The following PDE5A variants were observed in gnomAD, a reference collection of about 807,000 sequenced individuals.
PDE5A encodes the protein phosphodiesterase 5A, also known as cGMP-specific 3',5'-cyclic phosphodiesterase.
A neutral mutation model predicts 110.2 loss-of-function variants in PDE5A; 67 were observed. The observed-to-expected ratio is 0.61, with a 90% CI of 0.50 to 0.75. PDE5A has a LOEUF of 0.75. PDE5A is among the 30% of genes least tolerant of loss of function. PDE5A has a pLI of 0.00. For missense variants in PDE5A, 862 were observed against 1,045.1 expected (o/e 0.82, Z 2.42); for synonymous variants, 328 against 351.2 (o/e 0.93, Z 0.74).
At chr4:119,593,971 T>A (rs575147739) in intron 3 of PDE5A, among the ~76,000 whole-genome samples, 3 of 152,060 alleles carry the variant, frequency 2.0e-5, no homozygotes, top group Non-Finnish European at 4.4e-5. Flanking sequence ...TCACTCACTA[T>A]CACGAACAGC....
rs1416332603 is a variant in PDE5A at position 119,562,889 on chromosome 4, T to A, written c.1075A>T (p.Ile359Phe). The change falls in exon 6 of 21, where the codon ATC (isoleucine) becomes TTC (phenylalanine). Residue 359 changes from isoleucine (I) to phenylalanine (F), a missense_variant. Coordinates refer to ENST00000354960, the MANE Select transcript of PDE5A (RefSeq NM_001083.4). ...CATTTCTGCACTTGCATGAAAGAGA[T>A]AATAGTGGCAGCTATTTTCTTCAAA... ...VILKKIAATIISFMQVQKCTI... is the reference protein window; with the variant it reads ...VILKKIAATIFSFMQVQKCTI... 1 of 1,599,110 alleles carries A rather than the reference T, an allele frequency of 6.3e-7. No homozygotes were observed.
Position 119,527,194 on chromosome 4 carries a change from T to C in PDE5A, c.1633-1499A>G, listed in dbSNP as rs567952782. ...AAAGAACATTCTAAAAGCTACAGGA[T>C]GGAAGCCAGCATAGCTTGTGCCTCT... On this transcript the variant is annotated intron_variant, in intron 11 of 20. Coordinates refer to ENST00000354960, the MANE Select transcript of PDE5A (RefSeq NM_001083.4). The C allele has an allele frequency of 5.3e-5, 8 of 152,306 alleles. No individual in the cohort carries two copies. The South Asian group carries it at 1.2e-3, about 24-fold the overall frequency. 9.4% of individuals were successfully genotyped at this position (152,306 alleles called of 1,614,324 possible). A position where few individuals can be genotyped will look rare whatever the true frequency, so the allele number is the denominator to read the frequency against.
intron 9 of PDE5A, among the ~76,000 whole-genome samples, chr4:119,548,044 ATTTTTTT>A (rs11438089): frequency 9.5e-5 from 9 of 94,802 alleles, no homozygotes; most frequent in Admixed American, 1.5e-4. Context: ...TTCTCCGTGT[ATTTTTTT>A]TTTTTTTTTT....
chr4:119,572,895 T>C (rs1728191459), intron 3 of PDE5A, among the ~76,000 whole-genome samples: 1 of 152,214 alleles, frequency 6.6e-6, no homozygotes, highest in South Asian at 2.1e-4. Flanking sequence ...ACTTCCTCTT[T>C]CCAGTCTTTC....
chr4:119,529,787 A>G (rs1229454975), intron 11 of PDE5A, among the ~76,000 whole-genome samples: 3 of 152,140 alleles, frequency 2.0e-5, no homozygotes, highest in Non-Finnish European at 4.4e-5. Flanking sequence ...TTGATGCTCT[A>G]TTTTGCAACG....
At chr4:119,615,542 C>T (rs1330721185) in intron 1 of PDE5A, among the ~76,000 whole-genome samples, 1 of 150,686 alleles carries the variant, frequency 6.6e-6, no homozygotes, top group African/African-American at 2.4e-5. Context: ...GCAACATGCA[C>T]CATGAACACT....
chr4:119,592,245 G>A (rs1728997509), intron 3 of PDE5A, among the ~76,000 whole-genome samples: 1 of 149,238 alleles, frequency 6.7e-6, no homozygotes, highest in Non-Finnish European at 1.5e-5. Context: ...CACAAGGTCA[G>A]GAGATCGTAG....
At chr4:119,501,072 G>T (rs779413669) in intron 20 of PDE5A, 98 bp downstream of exon 20, 26 of 705,178 alleles carry the variant, frequency 3.7e-5, no homozygotes, top group Non-Finnish European at 6.2e-5. Flanking sequence ...TCTTGATTTA[G>T]AAGCAAAATA....
intron 11 of PDE5A, among the ~76,000 whole-genome samples, chr4:119,526,877 G>A (rs1463581991): frequency 2.6e-5 from 4 of 152,092 alleles, no homozygotes; most frequent in African/African-American, 7.2e-5. Flanking sequence ...CAGAAAATAT[G>A]CATTCTGTTA....
intron 9 of PDE5A, among the ~76,000 whole-genome samples, chr4:119,547,225 C>G (rs1348214187): frequency 1.3e-5 from 2 of 151,180 alleles, no homozygotes; most frequent in African/African-American, 4.9e-5. Flanking sequence ...CCCCATTTCA[C>G]CAAATGTTAA....
chr4:119,601,716 T>C (rs780693588), intron 2 of PDE5A, among the ~76,000 whole-genome samples: 1 of 152,088 alleles, frequency 6.6e-6, no homozygotes, highest in Non-Finnish European at 1.5e-5. Flanking sequence ...CCTTAACATG[T>C]AGGGTCAGTG....
intron 9 of PDE5A, among the ~76,000 whole-genome samples, chr4:119,547,056 C>T (rs1265030679): frequency 1.4e-5 from 2 of 147,446 alleles, no homozygotes; most frequent in South Asian, 2.1e-4. Flanking sequence ...CATCTTATTT[C>T]AACCTTGCCT....
chr4:119,592,149 T>TAAAA (rs771944543), intron 3 of PDE5A, among the ~76,000 whole-genome samples: 1 of 15,374 alleles, frequency 6.5e-5, no homozygotes, highest in Admixed American at 9.1e-4. Context: ...AGACTCTGTC[T>TAAAA]CAAAAAAAAA....
intron 15 of PDE5A, 49 bp downstream of exon 15, chr4:119,510,998 T>C (rs201617608): frequency 8.4e-6 from 9 of 1,076,656 alleles, no homozygotes; most frequent in Non-Finnish European, 1.3e-5. Flanking sequence ...TAAAACTGAA[T>C]TTATAAAGCT....
At chr4:119,511,913 T>A (rs1269077341) in intron 14 of PDE5A, among the ~76,000 whole-genome samples, 1 of 152,152 alleles carries the variant, frequency 6.6e-6, no homozygotes, top group African/African-American at 2.4e-5. Context: ...ATGTTTCTCA[T>A]GACCCTTCAC....
chr4:119,604,871 C>A (rs1231485293), intron 2 of PDE5A, among the ~76,000 whole-genome samples: 1 of 152,080 alleles, frequency 6.6e-6, no homozygotes, highest in Non-Finnish European at 1.5e-5. Context: ...AAAGTAATGA[C>A]AATTACTTTT....
intron 20 of PDE5A, 105 bp from the exon 21 acceptor site, chr4:119,498,843 G>A: frequency 1.7e-6 from 2 of 1,194,970 alleles, no homozygotes; most frequent in Non-Finnish European, 2.4e-6. Context: ...TTCATAAGCA[G>A]ACTCACTGTT....
chr4:119,518,793 A>G (rs1164850899), intron 14 of PDE5A, among the ~76,000 whole-genome samples: 2 of 152,340 alleles, frequency 1.3e-5, no homozygotes, highest in African/African-American at 4.8e-5. Context: ...AGCTGGATAT[A>G]TATAAACTAA....
chr4:119,500,479 A>C (rs1420957058), intron 20 of PDE5A, among the ~76,000 whole-genome samples: 1 of 152,008 alleles, frequency 6.6e-6, no homozygotes, highest in Non-Finnish European at 1.5e-5. Flanking sequence ...TAAATCTGAA[A>C]TATCTGGATT....
Sources: gnomAD v4.1 joint callset for allele counts (sites outside exome capture counted in the v4.1 genomes callset) on GRCh38, gnomAD v4.1.1 for gene constraint, MANE v1.5 for transcripts, NCBI Gene and HGNC (gene_info 2026-07-23, HGNC 2026-07-21) for gene names.